The following HDAC3 variants were observed in gnomAD, a reference collection of about 807,000 sequenced individuals.
HDAC3 encodes the protein histone deacetylase 3.
In HDAC3, 21 loss-of-function variants were observed where a neutral mutation model predicts 62.3. The ratio of observed to expected loss-of-function variants is 0.34; its 90% CI spans 0.24 to 0.49. HDAC3 has a LOEUF of 0.49. Ranked by LOEUF, HDAC3 falls within the 20% of genes least tolerant of loss-of-function variation. The pLI is 0.99. For synonymous variants in HDAC3, 198 were observed against 206.5 expected, an observed-to-expected ratio of 0.96 and a Z score of 0.35; for missense variants, 270 against 556.9, an observed-to-expected ratio of 0.48 and a Z score of 5.19.
At chr5:141,632,195 T>C (rs1487932780) in intron 3 of HDAC3, among the ~76,000 whole-genome samples, 1 of 152,300 alleles carries the variant, frequency 6.6e-6, no homozygotes, top group Non-Finnish European at 1.5e-5. Context: ...TGACTAATTT[T>C]TGTATTTTTA....
chr5:141,624,475 T>G (rs1488825417), intron 14 of HDAC3, among the ~76,000 whole-genome samples: 1 of 145,994 alleles, frequency 6.8e-6, no homozygotes, highest in African/African-American at 2.6e-5. Flanking sequence ...GAGGATCGCT[T>G]GAACCCAGGA....
chr5:141,636,517 C>G (rs1348636679), intron 2 of HDAC3, 31 bp downstream of exon 2: 2 of 1,607,886 alleles, frequency 1.2e-6, no homozygotes, highest in Non-Finnish European at 1.7e-6. Flanking sequence ...CGCCCCACCC[C>G]CCAACCCCCG....
At chr5:141,636,695 C>A (rs763255045) in intron 1 of HDAC3, 41 bp downstream of exon 1, 1 of 1,613,424 alleles carries the variant, frequency 6.2e-7, no homozygotes, top group South Asian at 1.1e-5. Context: ...GCCTCAAAAC[C>A]TCCGTGTCCC....
At position 141,625,687 on chromosome 5, in the gene HDAC3, G is replaced by A. The variant is rs1327858716; in HGVS notation, c.1057C>T (p.Gln353Ter). The change falls in exon 13 of 15, where the codon CAG becomes TAG. Residue 353 changes from glutamine (Q) to a stop codon, truncating the protein, a stop_gained and splice_region_variant. Coordinates refer to ENST00000305264, the MANE Select transcript of HDAC3 (RefSeq NM_003883.4). LOFTEE classifies it high-confidence loss of function. This position sits in a 1 kb window ranked among gnomAD's most constrained non-coding sequence, Gnocchi z 4.0. Reference sequence around the variant, plus strand: ...CTCAGCTTTTCTGAGCTGCTGACCTGGCGTGAGTTCTGATTCTCGATGCGG... The same window carrying A: ...CTCAGCTTTTCTGAGCTGCTGACCTAGCGTGAGTTCTGATTCTCGATGCGG... ...STRIENQNSR[Q>*]YLDQIRQTIF... The A allele has an allele frequency of 6.2e-7, 1 of 1,613,984 alleles. No homozygotes were observed. Among genetic ancestry groups the A allele is most frequent in the Non-Finnish European group, 8.5e-7 (1 of 1,179,854 alleles).
intron 10 of HDAC3, among the ~76,000 whole-genome samples, chr5:141,627,058 C>A (rs967586281): frequency 1.3e-5 from 2 of 152,142 alleles, no homozygotes; most frequent in African/African-American, 4.8e-5. Flanking sequence ...AAACTCCTTA[C>A]CAGGGTTTAA....
Position 141,629,815 on chromosome 5 carries a change from C to A in HDAC3, c.420+45G>T. The stretch of plus-strand genomic sequence containing the variant: ...TGCCCCCCACCATCATCCTAAACAC[C>A]TACCCTAGGATGGCCACTGTCTTTC... On this transcript the variant is annotated intron_variant, in intron 5 of 14. Transcript: ENST00000305264. The surrounding 1 kb of genome is among the most constrained non-coding windows in gnomAD (Gnocchi z 5.3). The A allele has an allele frequency of 6.2e-7, 1 of 1,610,456 alleles. No individual in the cohort carries two copies. Among genetic ancestry groups the A allele is most frequent in the South Asian group, 1.1e-5 (1 of 91,018 alleles).
intron 14 of HDAC3, chr5:141,624,916 ATAGAAAAAGGTC>A (rs1395898914): frequency 9.6e-6 from 3 of 313,466 alleles, no homozygotes; most frequent in Non-Finnish European, 1.8e-5. Flanking sequence ...TTTGCAATCT[ATAGAAAAAGGTC>A]TATCCAAAAC....
In HDAC3 at chr5:141,636,169, G is replaced by A. The variant is rs144603303; in HGVS notation, c.138+379C>T. On this transcript the variant is annotated intron_variant, in intron 2 of 14. Transcript: ENST00000305264. ...GGTAAAAGAGGAGTGGGAACTGAGG[G>A]TAAACCTCACACCCTGATACAGTGA... 3.7e-3 allele frequency: 827 copies of A among 221,144 alleles called. 6 individuals are homozygous for A. The highest frequency in any genetic ancestry group is 0.01 in the Admixed American group (200 of 19,958). The allele number at this position is 221,144 out of a possible 1,614,324, so 13.7% of individuals were successfully genotyped here.
intron 14 of HDAC3, chr5:141,624,886 T>C (rs1361969747): frequency 4.3e-6 from 1 of 235,066 alleles, no homozygotes; most frequent in Non-Finnish European, 8.2e-6. Flanking sequence ...TTTGTTTATA[T>C]GTACATACAG....
Position 141,629,481 on chromosome 5 carries a change from AC to A in HDAC3, c.477-176del. ...TCCAGCCTAGAGGCTAGAGGCAGGG[AC>A]AGGAGAGGGATATGCAGAGAAGGCT... On this transcript the variant is annotated intron_variant, in intron 6 of 14. Coordinates refer to ENST00000305264, the MANE Select transcript of HDAC3 (RefSeq NM_003883.4). The surrounding 1 kb of genome is among the most constrained non-coding windows in gnomAD (Gnocchi z 5.3). The A allele has an allele frequency of 9.5e-6, 9 of 948,486 alleles. No individual in the cohort carries two copies. Among genetic ancestry groups the A allele is most frequent in the Non-Finnish European group, 1.4e-5 (9 of 626,526 alleles). 58.8% of individuals were successfully genotyped at this position (948,486 alleles called of 1,614,324 possible). A position where few individuals can be genotyped will look rare whatever the true frequency, so the allele number is the denominator to read the frequency against.
Position 141,625,024 on chromosome 5 carries a change from A to C in HDAC3, c.1217+184T>G. 1 of 617,414 alleles carries C rather than the reference A, an allele frequency of 1.6e-6. No individual in the cohort carries two copies. The highest frequency in any genetic ancestry group is 2.7e-6 in the Non-Finnish European group (1 of 364,948). The allele number at this position is 617,414 out of a possible 1,614,324, so 38.2% of individuals were successfully genotyped here. On this transcript the variant is annotated intron_variant, in intron 14 of 14. Coordinates refer to ENST00000305264, the MANE Select transcript of HDAC3 (RefSeq NM_003883.4). This position sits in a 1 kb window ranked among gnomAD's most constrained non-coding sequence, Gnocchi z 4.0. ...ACACCATATTTTGGTGCTGTTTTAA[A>C]ATTTTGCAATAAATACGTGTTACTT...
chr5:141,630,074 A>C lies in HDAC3; in HGVS notation c.333T>G (p.Ser111=). 2 of 1,614,220 alleles carry C rather than the reference A, an allele frequency of 1.2e-6. No individual in the cohort carries two copies. Among genetic ancestry groups the C allele is most frequent in the East Asian group, 2.2e-5 (1 of 44,890 alleles). Residue 111 remains serine, a synonymous_variant, in exon 4 of 15, where the codon TCT becomes TCG. Coordinates refer to ENST00000305264, the MANE Select transcript of HDAC3 (RefSeq NM_003883.4). ...TGTTCAGCTGGGTTGCTCCTTGCAG[A>C]GATGCGCCTGTGTAACGCGAGCAGA... ...FEFCSRYTGA[S]LQGATQLNNK...
intron 10 of HDAC3, among the ~76,000 whole-genome samples, chr5:141,627,643 A>T (rs1206849587): frequency 6.6e-6 from 1 of 152,092 alleles, no homozygotes; most frequent in East Asian, 1.9e-4. Context: ...ACTCCATGGG[A>T]GACTCCTTAT....
chr5:141,626,159 T>C lies in HDAC3; in HGVS notation c.920+35A>G. The C allele has an allele frequency of 1.9e-6, 3 of 1,609,948 alleles. No individual in the cohort carries two copies. The highest frequency in any genetic ancestry group is 1.1e-5 in the South Asian group (1 of 90,984). On this transcript the variant is annotated intron_variant, in intron 11 of 14. Coordinates refer to ENST00000305264, the MANE Select transcript of HDAC3 (RefSeq NM_003883.4). This position sits in a 1 kb window ranked among gnomAD's most constrained non-coding sequence, Gnocchi z 4.6. ...ATCTGAGGGACACCCTAGCTCACAC[T>C]GGACAACAGGGGAGGAAATCAGGAG...
chr5:141,621,428 T>C lies in HDAC3; in HGVS notation c.*40A>G. On this transcript the variant is annotated 3_prime_UTR_variant, in exon 15 of 15. Coordinates refer to ENST00000305264, the MANE Select transcript of HDAC3 (RefSeq NM_003883.4). ...TTTTCCCTCCAGCCCAACCAAGAGGTGAAAAGAAATTCCTTGGGACACAGC... is the reference window on the plus strand; with the variant it reads ...TTTTCCCTCCAGCCCAACCAAGAGGCGAAAAGAAATTCCTTGGGACACAGC... 1 of 1,581,216 alleles carries C rather than the reference T, an allele frequency of 6.3e-7. No individual in the cohort carries two copies. Among genetic ancestry groups the C allele is most frequent in the South Asian group, 1.1e-5 (1 of 90,402 alleles).
At chr5:141,632,797 C>T (rs1334362876) in intron 3 of HDAC3, among the ~76,000 whole-genome samples, 1 of 152,096 alleles carries the variant, frequency 6.6e-6, no homozygotes, top group Non-Finnish European at 1.5e-5. Context: ...GAATAGAGAA[C>T]TAAGGGCATT....
rs1223478369 is a variant in HDAC3 at position 141,636,819 on chromosome 5, C to T, written c.-29G>A. ...GCCGGCGGGAGCAGGCCCCGCACCT[C>T]CGCCGCCCGCCGCCCGCGGCCGCCG... On this transcript the variant is annotated 5_prime_UTR_variant, in exon 1 of 15. Coordinates refer to ENST00000305264, the MANE Select transcript of HDAC3 (RefSeq NM_003883.4). The T allele has an allele frequency of 3.4e-6, 5 of 1,481,510 alleles. No individual in the cohort carries two copies. The highest frequency in any genetic ancestry group is 4.5e-6 in the Non-Finnish European group (5 of 1,121,144). The allele number at this position is 1,481,510 out of a possible 1,614,324, so 91.8% of individuals were successfully genotyped here. A position where few individuals can be genotyped will look rare whatever the true frequency, so the allele number is the denominator to read the frequency against.
intron 14 of HDAC3, chr5:141,624,808 G>A (rs912554132): frequency 1.2e-5 from 2 of 161,860 alleles, no homozygotes; most frequent in Non-Finnish European, 2.7e-5. Context: ...AGCAGCATAC[G>A]TAGAATGACC....
At chr5:141,624,921 A>T (rs1167184980) in intron 14 of HDAC3, 1 of 326,920 alleles carries the variant, frequency 3.1e-6, no homozygotes, top group Non-Finnish European at 5.6e-6. Flanking sequence ...AATCTATAGA[A>T]AAAGGTCTAT....
Sources: allele counts gnomAD v4.1 joint callset (sites outside exome capture counted in the v4.1 genomes callset), GRCh38; gene constraint gnomAD v4.1.1; non-coding constraint Gnocchi (gnomAD v3.1); transcripts MANE v1.5; gene names NCBI Gene and HGNC (gene_info 2026-07-23, HGNC 2026-07-21).